PHACTR2: variants seen among roughly 807,000 people sequenced by gnomAD.
PHACTR2 encodes phosphatase and actin regulator 2, also known as chromosome 6 open reading frame 56.
In PHACTR2, 30 loss-of-function variants were observed where a neutral mutation model predicts 76.0. The observed-to-expected ratio is 0.39, with a 90% CI of 0.30 to 0.54. The LOEUF (loss-of-function observed/expected upper bound fraction) is 0.54, where lower values mean the gene tolerates loss of function less well. Among genes scored for constraint, PHACTR2 ranks in the 20% least tolerant of loss-of-function variants. PHACTR2 has a pLI of 0.61. For synonymous variants in PHACTR2, 292 were observed against 292.5 expected (o/e 1.00, Z 0.02); for missense variants, 696 against 781.1 (o/e 0.89, Z 1.30).
chr6:143,772,322 G>A lies in PHACTR2; in HGVS notation c.1297G>A (p.Glu433Lys), dbSNP rs567848575. 1.7e-5 allele frequency: 28 copies of A among 1,613,782 alleles called. No homozygotes were observed. Among genetic ancestry groups the A allele is most frequent in the South Asian group, 6.6e-5 (6 of 91,056 alleles). Reference protein sequence around the residue: ...PQLLTPGLMGESSESFSASED... With the variant: ...PQLLTPGLMGKSSESFSASED... ...GCTACTGACTCCTGGGCTGATGGGC[G>A]AATCTTCAGAATCCTTTAGTGCCTC... Residue 433 changes from glutamate to lysine, a missense_variant, in exon 7 of 13, where the codon GAA becomes AAA. Glu to Lys is a moderately conservative substitution (Grantham distance 56, BLOSUM62 1). Transcript: ENST00000440869. The surrounding 1 kb of genome is among the most constrained non-coding windows in gnomAD (Gnocchi z 5.4).
At position 143,641,075 on chromosome 6, in the gene PHACTR2, C is replaced by G. The variant is rs12192231; in HGVS notation, c.13+32753C>G. 0.28 allele frequency among the ~76,000 whole-genome samples: 42,842 copies of G among 152,054 alleles called. 6,121 individuals are homozygous for G. Among genetic ancestry groups the G allele is most frequent in the Middle Eastern group, 0.38 (113 of 294 alleles). ...TCCACGATCAAGGTGCTGGCATCTGCTGAGGGCATTCTTCATGACTCAGGG... is the reference window on the plus strand; with the variant it reads ...TCCACGATCAAGGTGCTGGCATCTGGTGAGGGCATTCTTCATGACTCAGGG... On this transcript the variant is annotated intron_variant, in intron 1 of 11. Transcript: ENST00000305766. This position sits in a 1 kb window ranked among gnomAD's most constrained non-coding sequence, Gnocchi z 5.8.
Position 143,554,879 on chromosome 6 carries a change from C to A in PHACTR2, c.217+17672C>A, listed in dbSNP as rs899423053. The A allele has an allele frequency of 3.3e-5, 5 of 151,896 alleles. No homozygotes were observed. The highest frequency in any genetic ancestry group is 5.9e-5 in the Non-Finnish European group (4 of 67,972). The allele number at this position is 151,896 out of a possible 1,614,324, so 9.4% of individuals were successfully genotyped here. Reference sequence around the variant, plus strand: ...GGTCTTCCCAGTACATATCCTTTGCCCTTTGTTCCTGTTGCATTATTTTCT... The same window carrying A: ...GGTCTTCCCAGTACATATCCTTTGCACTTTGTTCCTGTTGCATTATTTTCT... On this transcript the variant is annotated intron_variant, in intron 1 of 11. Transcript: ENST00000367584. The surrounding 1 kb of genome is among the most constrained non-coding windows in gnomAD (Gnocchi z 5.9).
At position 143,662,246 on chromosome 6, in the gene PHACTR2, T is replaced by C. The variant is rs1416175083; in HGVS notation, c.14-49770T>C. Among the ~76,000 whole-genome samples the C allele has an allele frequency of 6.6e-6, 1 of 152,190 alleles. No homozygotes were observed. The highest frequency in any genetic ancestry group is 1.5e-5 in the Non-Finnish European group (1 of 68,030). On this transcript the variant is annotated intron_variant, in intron 1 of 11. Transcript: ENST00000305766. The surrounding 1 kb of genome is among the most constrained non-coding windows in gnomAD (Gnocchi z 4.7). ...AACTTACCCTAGAGAGCTGTTTTACTTGGAGGCATTTCTTAGATTTAAGTT... is the reference window on the plus strand; with the variant it reads ...AACTTACCCTAGAGAGCTGTTTTACCTGGAGGCATTTCTTAGATTTAAGTT...
rs981462050 is a variant in PHACTR2, at chr6:143,672,041, G to A, written c.14-39975G>A. On this transcript the variant is annotated intron_variant, in intron 1 of 11. Coordinates refer to the PHACTR2 transcript ENST00000305766. This position sits in a 1 kb window ranked among gnomAD's most constrained non-coding sequence, Gnocchi z 5.8. ...ATCAAAAGTATGGACATGGAAAGCA[G>A]GTTGGCAGTTCCCTAATGCCAAGGG... is the stretch of plus-strand genomic sequence containing the variant. Among the ~76,000 whole-genome samples, 1 of 152,152 alleles carries A rather than the reference G, an allele frequency of 6.6e-6. No homozygotes were observed. Among genetic ancestry groups the A allele is most frequent in the African/African-American group, 2.4e-5 (1 of 41,432 alleles).
rs1337456568 is a variant in PHACTR2 at position 143,827,196 on chromosome 6, A to ATATATATG, written c.*3510_*3511insATATGTAT. 43 of 120,138 alleles carry ATATATATG rather than the reference A, an allele frequency of 3.6e-4. No homozygotes were observed. The highest frequency in any genetic ancestry group is 1.2e-3 in the African/African-American group (41 of 33,076). The allele number at this position is 120,138 out of a possible 1,614,324, so 7.4% of individuals were successfully genotyped here. A position where few individuals can be genotyped will look rare whatever the true frequency, so the allele number is the denominator to read the frequency against. The stretch of plus-strand genomic sequence containing the variant: ...TATATATATATATATATATATATAT[A>ATATATATG]TATGTATATTATATATACAGTAGCT... On this transcript the variant is annotated 3_prime_UTR_variant, in exon 13 of 13. Transcript: ENST00000440869.
rs1045908196 is a variant in PHACTR2, at chr6:143,611,287, C to T, written c.13+2965C>T. Among the ~76,000 whole-genome samples, 1 of 152,164 alleles carries T rather than the reference C, an allele frequency of 6.6e-6. No homozygotes were observed. The highest frequency in any genetic ancestry group is 1.5e-5 in the Non-Finnish European group (1 of 68,026). On this transcript the variant is annotated intron_variant, in intron 1 of 11. Coordinates refer to the PHACTR2 transcript ENST00000305766. The surrounding 1 kb of genome is among the most constrained non-coding windows in gnomAD (Gnocchi z 4.4). The stretch of plus-strand genomic sequence containing the variant: ...GGGAGGTGGCAGCTGCTGAGAGCCC[C>T]TGCGCCTTCACCGTGCATTCTAGCT...
Position 143,616,762 on chromosome 6 carries a change from G to A in PHACTR2, c.13+8440G>A, listed in dbSNP as rs989487270. 6.6e-6 allele frequency among the ~76,000 whole-genome samples: 1 copy of A among 152,174 alleles called. No individual in the cohort carries two copies. The highest frequency in any genetic ancestry group is 2.4e-5 in the African/African-American group (1 of 41,440). ...TTTGGATAAGGAATGAGGTTGGGGT[G>A]GAGGCTACGCCAGACTCGGTAGTCA... On this transcript the variant is annotated intron_variant, in intron 1 of 11. Coordinates refer to the PHACTR2 transcript ENST00000305766. This position sits in a 1 kb window ranked among gnomAD's most constrained non-coding sequence, Gnocchi z 4.9.
rs146812022 is a variant in PHACTR2 at position 143,557,201 on chromosome 6, C to T, written c.217+19994C>T. 1.5e-4 allele frequency among the ~76,000 whole-genome samples: 23 copies of T among 152,338 alleles called. No individual in the cohort carries two copies. The highest frequency in any genetic ancestry group is 2.1e-4 in the South Asian group (1 of 4,828). On this transcript the variant is annotated intron_variant, in intron 1 of 11. Coordinates refer to the PHACTR2 transcript ENST00000367584. This position sits in a 1 kb window ranked among gnomAD's most constrained non-coding sequence, Gnocchi z 5.5. ...GCAAGTAAGTTACTTTAATCATCATCATCACTAGTATTGCAGAGAAGTTTA... is the reference window on the plus strand; with the variant it reads ...GCAAGTAAGTTACTTTAATCATCATTATCACTAGTATTGCAGAGAAGTTTA...
In PHACTR2 at chr6:143,801,718, C is replaced by T. The variant is rs954080830; in HGVS notation, c.1846-5339C>T. On this transcript the variant is annotated intron_variant, in intron 11 of 12. Transcript: ENST00000440869. This position sits in a 1 kb window ranked among gnomAD's most constrained non-coding sequence, Gnocchi z 4.6. Reference sequence around the variant, plus strand: ...ACTCTGTCAACTCATCAAACTCATTCTCCGTCCAGTTTTGTTCCCTTGCTG... The same window carrying T: ...ACTCTGTCAACTCATCAAACTCATTTTCCGTCCAGTTTTGTTCCCTTGCTG... 1.9e-4 allele frequency among the ~76,000 whole-genome samples: 29 copies of T among 152,286 alleles called. No homozygotes were observed. Among genetic ancestry groups the T allele is most frequent in the East Asian group, 1.9e-4 (1 of 5,190 alleles).
chr6:143,690,169 A>G (rs1449377462), intron 1 of PHACTR2, among the ~76,000 whole-genome samples: 1 of 152,128 alleles, frequency 6.6e-6, no homozygotes, highest in Non-Finnish European at 1.5e-5. Context: ...TACCATCCCC[A>G]CACTTTCTCT....
rs895122324 is a variant in PHACTR2, at chr6:143,739,387, C to A, written c.215-9598C>A. Among the ~76,000 whole-genome samples the A allele has an allele frequency of 6.6e-6, 1 of 152,160 alleles. No individual in the cohort carries two copies. The highest frequency in any genetic ancestry group is 1.9e-4 in the East Asian group (1 of 5,176). On this transcript the variant is annotated intron_variant, in intron 2 of 12. Coordinates refer to ENST00000440869, the MANE Select transcript of PHACTR2 (RefSeq NM_001100164.2). The surrounding 1 kb of genome is among the most constrained non-coding windows in gnomAD (Gnocchi z 4.3). ...TGCGAGATTCACTTTAAAATCAGTT[C>A]TCTAGCCTGTTCTTTTTGGGACGAG...
chr6:143,584,658 G>A (rs1427953764), intron 1 of PHACTR2, among the ~76,000 whole-genome samples: 1 of 152,154 alleles, frequency 6.6e-6, no homozygotes, highest in Non-Finnish European at 1.5e-5. Context: ...TTGTTTGTAG[G>A]AAATGAGCAA....
chr6:143,585,222 A>T lies in PHACTR2; in HGVS notation c.217+48015A>T, dbSNP rs1205861071. ...AGAGACTGCATCTGCACCATGAGGC[A>T]GCAAGAATATGGAGGAAGGGAATTT... On this transcript the variant is annotated intron_variant, in intron 1 of 11. Coordinates refer to the PHACTR2 transcript ENST00000367584. This position sits in a 1 kb window ranked among gnomAD's most constrained non-coding sequence, Gnocchi z 5.2. Among the ~76,000 whole-genome samples the T allele has an allele frequency of 6.6e-6, 1 of 152,146 alleles. No individual in the cohort carries two copies. The highest frequency in any genetic ancestry group is 2.4e-5 in the African/African-American group (1 of 41,426).
Position 143,658,598 on chromosome 6 carries a change from A to C in PHACTR2, c.13+50276A>C, listed in dbSNP as rs1776892042. ...ATAGCTTATTTCTCCCAAGCTACAA[A>C]TCTGTGCAGCATGTTACTGCACTGA... is the stretch of plus-strand genomic sequence containing the variant. On this transcript the variant is annotated intron_variant, in intron 1 of 11. Coordinates refer to the PHACTR2 transcript ENST00000305766. This position sits in a 1 kb window ranked among gnomAD's most constrained non-coding sequence, Gnocchi z 4.1. Among the ~76,000 whole-genome samples, 1 of 152,208 alleles carries C rather than the reference A, an allele frequency of 6.6e-6. No individual in the cohort carries two copies. Among genetic ancestry groups the C allele is most frequent in the Non-Finnish European group, 1.5e-5 (1 of 68,032 alleles).
At position 143,689,560 on chromosome 6, in the gene PHACTR2, T is replaced by G. The variant is rs532936691; in HGVS notation, c.46+11351T>G. On this transcript the variant is annotated intron_variant, in intron 1 of 12. Transcript: ENST00000440869. The surrounding 1 kb of genome is among the most constrained non-coding windows in gnomAD (Gnocchi z 4.4). ...TGATTGATTTTTCAGCATGACACATTATCTACTGAGCTCACAGTATGGAAA... is the reference window on the plus strand; with the variant it reads ...TGATTGATTTTTCAGCATGACACATGATCTACTGAGCTCACAGTATGGAAA... Among the ~76,000 whole-genome samples the G allele has an allele frequency of 5.9e-5, 9 of 152,312 alleles. No homozygotes were observed. The East Asian group carries it at 1.7e-3, about 29-fold the overall frequency.
rs1356721737 is a variant in PHACTR2, at chr6:143,731,223, T to C, written c.215-17762T>C. On this transcript the variant is annotated intron_variant, in intron 2 of 12. Transcript: ENST00000440869. The surrounding 1 kb of genome is among the most constrained non-coding windows in gnomAD (Gnocchi z 4.9). Reference sequence around the variant, plus strand: ...TAGACCACTATTATGGTTGATTACATTGGCAGATTTTTGAATTTTGAACCA... The same window carrying C: ...TAGACCACTATTATGGTTGATTACACTGGCAGATTTTTGAATTTTGAACCA... Among the ~76,000 whole-genome samples, 2 of 152,224 alleles carry C rather than the reference T, an allele frequency of 1.3e-5. No individual in the cohort carries two copies. Among genetic ancestry groups the C allele is most frequent in the Admixed American group, 6.5e-5 (1 of 15,280 alleles).
Position 143,794,709 on chromosome 6 carries a change from A to G in PHACTR2, c.1845+5799A>G, listed in dbSNP as rs1160105988. On this transcript the variant is annotated intron_variant, in intron 11 of 12. Coordinates refer to ENST00000440869, the MANE Select transcript of PHACTR2 (RefSeq NM_001100164.2). This position sits in a 1 kb window ranked among gnomAD's most constrained non-coding sequence, Gnocchi z 4.1. ...CTTGGGAGACTGAAGCAGGAGAATC[A>G]CTTGAACCCAGGAGACAGAAGTTGC... is the stretch of plus-strand genomic sequence containing the variant. 6.6e-6 allele frequency among the ~76,000 whole-genome samples: 1 copy of G among 152,134 alleles called. No homozygotes were observed.
In PHACTR2 at chr6:143,753,463, A is replaced by C. The variant is rs1779229792; in HGVS notation, c.296-291A>C. On this transcript the variant is annotated intron_variant, in intron 3 of 12. Transcript: ENST00000440869. This position sits in a 1 kb window ranked among gnomAD's most constrained non-coding sequence, Gnocchi z 4.6. ...AAACACATAACTATTGACTTCAGAC[A>C]AACCTAAGCACATGAACGAGGGACT... 6.6e-6 allele frequency among the ~76,000 whole-genome samples: 1 copy of C among 152,220 alleles called. No homozygotes were observed.
At chr6:143,607,566 G>A (rs1056587027), upstream of PHACTR2, among the ~76,000 whole-genome samples, 1 of 145,486 alleles carries the variant, frequency 6.9e-6, no homozygotes, top group African/African-American at 2.5e-5. Context: ...AGTGACATTC[G>A]GTGAAAATAT....
Sources: gnomAD v4.1 joint callset for allele counts (sites outside exome capture counted in the v4.1 genomes callset) on GRCh38, gnomAD v4.1.1 for gene constraint, Gnocchi (gnomAD v3.1) non-coding constraint, MANE v1.5 for transcripts, NCBI Gene and HGNC (gene_info 2026-07-23, HGNC 2026-07-21) for gene names.